The following KLF12 variants were observed in gnomAD, a reference collection of about 807,000 sequenced individuals.
KLF12 encodes Krueppel-like factor 12.
KLF12 carries 9 observed loss-of-function variants against 37.8 expected under a neutral mutation model. That is an observed-to-expected ratio of 0.24 (90% CI 0.14 to 0.42). KLF12 has a LOEUF of 0.42. Ranked by LOEUF, KLF12 falls within the 10% of genes least tolerant of loss-of-function variation. KLF12 has a pLI of 1.00. For missense variants in KLF12, 411 were observed against 516.0 expected (o/e 0.80, Z 1.97); for synonymous variants, 208 against 202.1 (o/e 1.03, Z -0.25).
intron 1 of KLF12, among the ~76,000 whole-genome samples, chr13:74,084,845 A>AT (rs1292665589): frequency 1.3e-5 from 2 of 152,162 alleles, no homozygotes; most frequent in East Asian, 1.9e-4. Context: ...GGATGGGAAC[A>AT]TTTTTTCCGC....
chr13:74,011,330 C>T (rs966524652), intron 1 of KLF12, among the ~76,000 whole-genome samples: 8 of 151,696 alleles, frequency 5.3e-5, no homozygotes, highest in East Asian at 1.9e-4. Flanking sequence ...GCTAGAACTG[C>T]TAGTGGTGAT....
chr13:74,253,653 G>A, the KLF12 span, among the ~76,000 whole-genome samples: 1 of 152,104 alleles, frequency 6.6e-6, no homozygotes, highest in East Asian at 1.9e-4. Context: ...AAACTTGCCA[G>A]CCTGTTAGAG....
chr13:74,128,393 C>T (rs1336185249), intron 1 of KLF12, among the ~76,000 whole-genome samples: 1 of 93,614 alleles, frequency 1.1e-5, no homozygotes, highest in African/African-American at 2.5e-5. Context: ...GGCTGGAGTG[C>T]TTTTCCTATC....
At chr13:74,012,885 T>C (rs1892586555) in intron 1 of KLF12, among the ~76,000 whole-genome samples, 2 of 152,212 alleles carry the variant, frequency 1.3e-5, no homozygotes, top group Admixed American at 6.5e-5. Context: ...TTTTCAAATA[T>C]ATGACCTCTA....
intron 3 of KLF12, among the ~76,000 whole-genome samples, chr13:73,861,050 C>T (rs1885898867): frequency 6.6e-6 from 1 of 152,040 alleles, no homozygotes; most frequent in Non-Finnish European, 1.5e-5. Flanking sequence ...TTATAATTAG[C>T]ATCTCTCAAT....
the KLF12 span, among the ~76,000 whole-genome samples, chr13:74,142,991 C>T: frequency 6.6e-6 from 1 of 150,752 alleles, no homozygotes; most frequent in Non-Finnish European, 1.5e-5. Context: ...ACCTTCCTTC[C>T]TTCCTTCTTT....
intron 1 of KLF12, among the ~76,000 whole-genome samples, chr13:74,037,772 G>T (rs985315457): frequency 6.6e-6 from 1 of 152,134 alleles, no homozygotes; most frequent in Non-Finnish European, 1.5e-5. Context: ...TGTGTAAACT[G>T]ATCATGGATG....
chr13:73,949,236 T>C (rs1377425179), intron 2 of KLF12, among the ~76,000 whole-genome samples: 1 of 152,152 alleles, frequency 6.6e-6, no homozygotes, highest in African/African-American at 2.4e-5. Flanking sequence ...TATGCACTCC[T>C]AATACAATAG....
intron 2 of KLF12, among the ~76,000 whole-genome samples, chr13:73,945,207 G>A (rs549396355): frequency 6.6e-6 from 1 of 152,266 alleles, no homozygotes; most frequent in Admixed American, 6.5e-5. Context: ...AGTGGCTCAC[G>A]CCTGTAACCC....
intron 5 of KLF12, among the ~76,000 whole-genome samples, chr13:73,812,535 T>A (rs989024750): frequency 6.6e-5 from 10 of 151,232 alleles, no homozygotes; most frequent in Non-Finnish European, 1.3e-4. Context: ...GCTGAAAAAA[T>A]TATTCTACAA....
At chr13:74,232,167 G>A in the KLF12 span, among the ~76,000 whole-genome samples, 1 of 152,146 alleles carries the variant, frequency 6.6e-6, no homozygotes, top group Non-Finnish European at 1.5e-5. Flanking sequence ...GGAAGAAGGA[G>A]GGAGTCAGAG....
At chr13:74,107,981 G>A (rs1439903660) in intron 1 of KLF12, among the ~76,000 whole-genome samples, 1 of 152,088 alleles carries the variant, frequency 6.6e-6, no homozygotes, top group Non-Finnish European at 1.5e-5. Context: ...CTGTACATAT[G>A]GTCCTTTAAT....
Position 74,051,841 on chromosome 13 carries a change from C to T in KLF12, c.-31-56788G>A, listed in dbSNP as rs151338324. Among the ~76,000 whole-genome samples, 375 of 152,160 alleles carry T rather than the reference C, an allele frequency of 2.5e-3. 3 individuals are homozygous for T. The highest frequency in any genetic ancestry group is 8.0e-3 in the African/African-American group (334 of 41,510). On this transcript the variant is annotated intron_variant, in intron 1 of 7. Transcript: ENST00000377669. ...TGCACAGTAGGGTGACTATAGTTAACAATAATATAGTGTGTATTTCAAAAC... is the reference window on the plus strand; with the variant it reads ...TGCACAGTAGGGTGACTATAGTTAATAATAATATAGTGTGTATTTCAAAAC...
At chr13:73,765,113 C>T in intron 5 of KLF12, 113 bp from the exon 6 acceptor site, 1 of 629,364 alleles carries the variant, frequency 1.6e-6, no homozygotes, top group Non-Finnish European at 2.8e-6. Flanking sequence ...AATACAAAAT[C>T]CCCAGAACTT....
At chr13:73,747,997 C>T (rs1878487965) in intron 6 of KLF12, among the ~76,000 whole-genome samples, 1 of 152,134 alleles carries the variant, frequency 6.6e-6, no homozygotes, top group African/African-American at 2.4e-5. Context: ...GTGGTTCTAA[C>T]AAAGTACAAT....
chr13:73,949,048 G>T (rs1270501869), intron 2 of KLF12, among the ~76,000 whole-genome samples: 1 of 152,146 alleles, frequency 6.6e-6, no homozygotes, highest in Non-Finnish European at 1.5e-5. Context: ...AGAGGTTGAT[G>T]CTGTATTATC....
chr13:73,695,413 G>T lies in KLF12; in HGVS notation c.*77C>A. ...TGATGCCCTTTTGTGTTAACACTGT[G>T]AAGGGGATTCAGCCCTGCTGAATTG... On this transcript the variant is annotated 3_prime_UTR_variant, in exon 8 of 8. Transcript: ENST00000377669. 7.1e-7 allele frequency: 1 copy of T among 1,400,220 alleles called. No individual in the cohort carries two copies. Among genetic ancestry groups the T allele is most frequent in the Non-Finnish European group, 1.0e-6 (1 of 1,000,058 alleles). The allele number at this position is 1,400,220 out of a possible 1,614,324, so 86.7% of individuals were successfully genotyped here.
chr13:73,860,790 C>T (rs1214633358), intron 3 of KLF12, among the ~76,000 whole-genome samples: 1 of 152,080 alleles, frequency 6.6e-6, no homozygotes, highest in African/African-American at 2.4e-5. Flanking sequence ...AATATATTAA[C>T]TTATTATAAC....
the KLF12 span, among the ~76,000 whole-genome samples, chr13:74,211,556 G>A: frequency 6.6e-6 from 1 of 152,134 alleles, no homozygotes; most frequent in Non-Finnish European, 1.5e-5. Flanking sequence ...TTGGATTTAT[G>A]AAGTTTAATA....
Sources: allele counts gnomAD v4.1 joint callset (sites outside exome capture counted in the v4.1 genomes callset), GRCh38; gene constraint gnomAD v4.1.1; transcripts MANE v1.5; gene names NCBI Gene and HGNC (gene_info 2026-07-23, HGNC 2026-07-21).